The following ADPRHL1 variants were observed in gnomAD, a reference collection of about 807,000 sequenced individuals.
The protein encoded by ADPRHL1 is inactive ADP-ribosyltransferase ARH2.
ADPRHL1 carries 43 observed loss-of-function variants against 44.1 expected under a neutral mutation model. The observed-to-expected ratio is 0.98, with a 90% CI of 0.76 to 1.26. The LOEUF (loss-of-function observed/expected upper bound fraction) is 1.26, where lower values mean the gene tolerates loss of function less well. Ranked by LOEUF, ADPRHL1 falls within the 50% of genes most tolerant of loss-of-function variation. ADPRHL1 has a pLI of 0.00. For synonymous variants in ADPRHL1, 878 were observed against 1,017.4 expected, an observed-to-expected ratio of 0.86 and a Z score of 2.61; for missense variants, 2,022 against 2,496.9, an observed-to-expected ratio of 0.81 and a Z score of 4.05.
In ADPRHL1 at chr13:113,407,627, C is replaced by A; in HGVS notation, c.1655G>T (p.Arg552Leu). 1.6e-6 allele frequency: 2 copies of A among 1,232,094 alleles called. No individual in the cohort carries two copies. Among genetic ancestry groups the A allele is most frequent in the South Asian group, 4.1e-5 (1 of 24,326 alleles). 76.3% of individuals were successfully genotyped at this position (1,232,094 alleles called of 1,614,324 possible). A position where few individuals can be genotyped will look rare whatever the true frequency, so the allele number is the denominator to read the frequency against. ...MGKSSVLSKL[R>L]EKFEQNSCLC... ...GCAGCTGTTCTGCTCGAACTTCTCC[C>A]GCAGCTTGGACAGCACCGAGCTCTT... is the stretch of plus-strand genomic sequence containing the variant. The change falls in exon 8 of 8, where the codon CGG becomes CTG. Residue 552 changes from arginine to leucine, a missense_variant. Arg to Leu is a moderately radical substitution (Grantham distance 102). This residue lies in a region of ADPRHL1 where 1,221 missense variants were observed against 1,517.8 expected (regional missense o/e 0.80). Coordinates refer to ENST00000612156, the MANE Select transcript of ADPRHL1 (RefSeq NM_001394807.1).
intron 2 of ADPRHL1, among the ~76,000 whole-genome samples, chr13:113,439,860 A>C (rs1189619874): frequency 1.3e-5 from 2 of 152,170 alleles, no homozygotes; most frequent in Non-Finnish European, 2.9e-5. Context: ...TAAGTTGTTA[A>C]ATGTATTGGC....
intron 2 of ADPRHL1, among the ~76,000 whole-genome samples, chr13:113,444,139 G>A (rs990968796): frequency 1.3e-5 from 2 of 151,762 alleles, no homozygotes; most frequent in African/African-American, 2.4e-5. Context: ...TTAAACAGAC[G>A]CCCGCACTGG....
In ADPRHL1 at chr13:113,404,853, C is replaced by T. The variant is rs1159928681; in HGVS notation, c.4429G>A (p.Glu1477Lys). ...RNPAVPPGEPEGPGSPAAQGQ... is the reference protein window; with the variant it reads ...RNPAVPPGEPKGPGSPAAQGQ... ...TGGGCTGCCGGGCTTCCCGGCCCCT[C>T]GGGCTCCCCTGGAGGCACAGCTGGG... Residue 1477 changes from glutamate to lysine, a missense_variant, in exon 8 of 8, where the codon GAG (glutamate) becomes AAG (lysine). Glu to Lys is a moderately conservative substitution (Grantham distance 56). Around this residue, in one of 8 missense-constraint regions of ADPRHL1, gnomAD observed 1,221 missense variants for 1,517.8 expected, o/e 0.80. Transcript: ENST00000612156. The T allele has an allele frequency of 2.2e-5, 28 of 1,248,300 alleles. No homozygotes were observed. Among genetic ancestry groups the T allele is most frequent in the Non-Finnish European group, 2.6e-5 (26 of 999,012 alleles). 77.3% of individuals were successfully genotyped at this position (1,248,300 alleles called of 1,614,324 possible).
In ADPRHL1 at chr13:113,404,941, C is replaced by G; in HGVS notation, c.4341G>C (p.Gln1447His). The G allele has an allele frequency of 8.1e-7, 1 of 1,240,326 alleles. No homozygotes were observed. Among genetic ancestry groups the G allele is most frequent in the Non-Finnish European group, 1.0e-6 (1 of 993,616 alleles). 76.8% of individuals were successfully genotyped at this position (1,240,326 alleles called of 1,614,324 possible). A position where few individuals can be genotyped will look rare whatever the true frequency, so the allele number is the denominator to read the frequency against. The stretch of plus-strand genomic sequence containing the variant: ...TCCGCCCCCGCTCCTCCCAGGGTCC[C>G]TGCAGATGCTGCTGACCTTGGTCAC... ...QRSDQGQQHL[Q>H]GPWEERGRST... is the part of the protein sequence containing the mutation. The change falls in exon 8 of 8, where the codon CAG (glutamine) becomes CAC (histidine). Residue 1447 changes from glutamine to histidine, a missense_variant. Coordinates refer to ENST00000612156, the MANE Select transcript of ADPRHL1 (RefSeq NM_001394807.1).
rs944644142 is a variant in ADPRHL1 at position 113,406,419 on chromosome 13, C to T, written c.2863G>A (p.Gly955Arg). ...TCAAAGCTGCCTTTGTTTTCCTTCC[C>T]GCCAGCAGGATCTGTCTGGAGTCTC... ...TQRLQTDPAGGKENKGSFENS... is the reference protein window; with the variant it reads ...TQRLQTDPAGRKENKGSFENS... Residue 955 changes from glycine (G) to arginine (R), a missense_variant, in exon 8 of 8, where the codon GGG (glycine) becomes AGG (arginine). Gly to Arg is a moderately radical substitution (Grantham distance 125, BLOSUM62 -2). Coordinates refer to ENST00000612156, the MANE Select transcript of ADPRHL1 (RefSeq NM_001394807.1). 11 of 1,231,942 alleles carry T rather than the reference C, an allele frequency of 8.9e-6. No homozygotes were observed. In the Admixed American group the frequency reaches 1.3e-4, roughly 14 times the overall value. 76.3% of individuals were successfully genotyped at this position (1,231,942 alleles called of 1,614,324 possible).
chr13:113,422,755 C>A, intron 7 of ADPRHL1, 71 bp downstream of exon 7: 2 of 1,587,102 alleles, frequency 1.3e-6, no homozygotes, highest in Non-Finnish European at 1.7e-6. Flanking sequence ...CACCCAGGGG[C>A]TGCGAGAGGG....
chr13:113,412,036 G>C (rs376681110), intron 7 of ADPRHL1, among the ~76,000 whole-genome samples: 3 of 152,276 alleles, frequency 2.0e-5, no homozygotes, highest in Admixed American at 6.5e-5. Flanking sequence ...TTGAACCTGC[G>C]GGTGGTTCCT....
chr13:113,419,126 T>TTC (rs2043903202), intron 7 of ADPRHL1, among the ~76,000 whole-genome samples: 1 of 60,986 alleles, frequency 1.6e-5, no homozygotes, highest in African/African-American at 5.3e-5. Context: ...TTCTTTTTTT[T>TTC]TTCAGGGTCT....
In ADPRHL1 at chr13:113,406,100, G is replaced by T. The variant is rs1412224367; in HGVS notation, c.3182C>A (p.Thr1061Lys). ...GCATTCCTCCAGCGCACCGGGCACT[G>T]TCATGCCCATCGGGGTGACACCCTC... ...GPEGVTPMGM[T>K]VPGALEECRR... Residue 1061 changes from threonine to lysine, a missense_variant, in exon 8 of 8, where the codon ACA becomes AAA. Transcript: ENST00000612156. The T allele has an allele frequency of 4.1e-6, 5 of 1,230,122 alleles. No homozygotes were observed. In the African/African-American group the frequency reaches 4.7e-5, roughly 11 times the overall value. 76.2% of individuals were successfully genotyped at this position (1,230,122 alleles called of 1,614,324 possible). A position where few individuals can be genotyped will look rare whatever the true frequency, so the allele number is the denominator to read the frequency against.
intron 7 of ADPRHL1, among the ~76,000 whole-genome samples, chr13:113,419,947 CTTG>C (rs1352058741): frequency 2.6e-5 from 4 of 151,786 alleles, no homozygotes; most frequent in Non-Finnish European, 4.4e-5. Context: ...AGAGCATGGC[CTTG>C]TTATCTCACA....
chr13:113,425,329 G>T, intron 4 of ADPRHL1, 150 bp from the exon 5 acceptor site: 1 of 739,114 alleles, frequency 1.4e-6, no homozygotes, highest in Non-Finnish European at 2.2e-6. Flanking sequence ...TGGAGAAGCC[G>T]AGCACCTGTC....
At position 113,409,124 on chromosome 13, in the gene ADPRHL1, G is replaced by C. The variant is rs955246109; in HGVS notation, c.1062-904C>G. Among the ~76,000 whole-genome samples the C allele has an allele frequency of 6.6e-6, 1 of 152,210 alleles. No homozygotes were observed. ...GTTCACCAGGGATTCCTTCCCACCAGCCCAGCTTTCAAAGAGACGGGACCA... is the reference window on the plus strand; with the variant it reads ...GTTCACCAGGGATTCCTTCCCACCACCCCAGCTTTCAAAGAGACGGGACCA... On this transcript the variant is annotated intron_variant, in intron 7 of 7. Coordinates refer to ENST00000612156, the MANE Select transcript of ADPRHL1 (RefSeq NM_001394807.1). This position sits in a 1 kb window ranked among gnomAD's most constrained non-coding sequence, Gnocchi z 4.2.
chr13:113,423,270 C>A (rs1443379423), intron 6 of ADPRHL1, among the ~76,000 whole-genome samples: 1 of 151,764 alleles, frequency 6.6e-6, no homozygotes, highest in East Asian at 1.9e-4. Context: ...AAAAAAACAA[C>A]AAACCCAAAA....
At chr13:113,416,667 A>C (rs1013191009) in intron 7 of ADPRHL1, among the ~76,000 whole-genome samples, 1 of 152,226 alleles carries the variant, frequency 6.6e-6, no homozygotes, top group African/African-American at 2.4e-5. Flanking sequence ...AGTAGGCACA[A>C]TTTCTAACAC....
At chr13:113,423,106 A>G in intron 6 of ADPRHL1, 127 bp from the exon 7 acceptor site, 1 of 1,359,410 alleles carries the variant, frequency 7.4e-7, no homozygotes, top group South Asian at 1.4e-5. Flanking sequence ...TAAAAGGGAC[A>G]GGCAGGCCAG....
chr13:113,420,890 C>T (rs1438553412), intron 7 of ADPRHL1, among the ~76,000 whole-genome samples: 2 of 134,448 alleles, frequency 1.5e-5, no homozygotes, highest in Admixed American at 7.5e-5. Flanking sequence ...ACCCCCGGGA[C>T]CCGCTCACCC....
intron 7 of ADPRHL1, among the ~76,000 whole-genome samples, chr13:113,411,319 A>G (rs973011805): frequency 1.3e-5 from 2 of 150,834 alleles, no homozygotes; most frequent in Admixed American, 1.3e-4. Context: ...TGACGGGACC[A>G]CTCCCCACAC....
At chr13:113,431,547 G>A (rs992328637) in intron 3 of ADPRHL1, among the ~76,000 whole-genome samples, 16 of 152,250 alleles carry the variant, frequency 1.1e-4, no homozygotes, top group Non-Finnish European at 1.9e-4. Context: ...GGGAGCACGC[G>A]ATGCAGGCTG....
intron 3 of ADPRHL1, among the ~76,000 whole-genome samples, chr13:113,430,715 T>TAGTGGCGGGGGTGGCAGTGGCACC (rs772652313): frequency 1.8e-3 from 273 of 150,390 alleles, no homozygotes; most frequent in African/African-American, 4.4e-3. Flanking sequence ...GGGGTGGCAC[T>TAGTGGCGGGGGTGGCAGTGGCACC]AGTGGCGGGG....
Sources: gnomAD v4.1 joint callset for allele counts (sites outside exome capture counted in the v4.1 genomes callset) on GRCh38, gnomAD v4.1.1 for gene constraint, gnomAD v4.1.1 regional missense constraint, Gnocchi (gnomAD v3.1) non-coding constraint, MANE v1.5 for transcripts, NCBI Gene and HGNC (gene_info 2026-07-23, HGNC 2026-07-21) for gene names.